TANC1: variants seen among roughly 807,000 people sequenced by gnomAD.
TANC1 encodes tetratricopeptide repeat, ankyrin repeat and coiled-coil containing 1, also known as protein TANC1.
In TANC1, 77 loss-of-function variants were observed where a neutral mutation model predicts 149.7. The observed-to-expected ratio is 0.51, with a 90% CI of 0.43 to 0.62. TANC1 has a LOEUF of 0.62. Ranked by LOEUF, TANC1 falls within the 20% of genes least tolerant of loss-of-function variation. The pLI is 0.00. For missense variants in TANC1, 1,985 were observed against 2,321.8 expected (o/e 0.85, Z 2.98); for synonymous variants, 854 against 925.0 (o/e 0.92, Z 1.39).
At chr2:159,148,467 T>C (rs1032844121) in intron 5 of TANC1, 2 of 152,260 alleles carry the variant, frequency 1.3e-5, no homozygotes, top group African/African-American at 4.8e-5. Context: ...TGCAGCATTC[T>C]GAGAATACAG....
intron 14 of TANC1, among the ~76,000 whole-genome samples, chr2:159,180,969 G>A (rs2056411091): frequency 6.6e-6 from 1 of 152,290 alleles, no homozygotes; most frequent in East Asian, 1.9e-4. Flanking sequence ...TTAAAACATG[G>A]TGATGGTGGG....
chr2:159,104,967 T>C (rs1420584059), intron 4 of TANC1, among the ~76,000 whole-genome samples: 3 of 127,794 alleles, frequency 2.3e-5, no homozygotes. Context: ...ACATTTCTGA[T>C]TGTTGGATAT....
Position 159,090,730 on chromosome 2 carries a change from T to C in TANC1, c.62-6907T>C, listed in dbSNP as rs141293139. On this transcript the variant is annotated intron_variant, in intron 3 of 26. Coordinates refer to ENST00000263635, the MANE Select transcript of TANC1 (RefSeq NM_033394.3). Reference sequence around the variant, plus strand: ...AGCTAGCTCGTGACTTCACCCTTCATTGGGCCAGGCAGAATGACCGGAGCC... The same window carrying C: ...AGCTAGCTCGTGACTTCACCCTTCACTGGGCCAGGCAGAATGACCGGAGCC... Among the ~76,000 whole-genome samples, 603 of 152,338 alleles carry C rather than the reference T, an allele frequency of 4.0e-3. 6 individuals are homozygous for C. The highest frequency in any genetic ancestry group is 0.012 in the African/African-American group (507 of 41,576).
At chr2:159,218,089 GT>G (rs58545953) in intron 20 of TANC1, among the ~76,000 whole-genome samples, 77,296 of 151,802 alleles carry the variant, frequency 0.51, 20,362 homozygotes, top group Non-Finnish European at 0.56. Flanking sequence ...GTTTTGTTTT[GT>G]TTTTTTACTA....
chr2:159,172,008 C>A, intron 10 of TANC1, 113 bp from the exon 11 acceptor site: 1 of 1,056,206 alleles, frequency 9.5e-7, no homozygotes, highest in Non-Finnish European at 1.4e-6. Context: ...AATTTTGGAC[C>A]ATGTTCACTC....
intron 23 of TANC1, 80 bp from the exon 24 acceptor site, chr2:159,225,608 C>T: frequency 8.7e-7 from 1 of 1,148,264 alleles, no homozygotes; most frequent in South Asian, 1.3e-5. Context: ...GTGCTGACCT[C>T]CAGCCGTGGG....
intron 2 of TANC1, among the ~76,000 whole-genome samples, chr2:159,060,650 G>A (rs2042170035): frequency 6.6e-6 from 1 of 152,160 alleles, no homozygotes; most frequent in African/African-American, 2.4e-5. Flanking sequence ...GGGTGGGTGC[G>A]AAGCCTGTGT....
chr2:159,149,150 G>A lies in TANC1; in HGVS notation c.373G>A (p.Ala125Thr), dbSNP rs2052487748. ...TTCTTTCTTTGTTCCAGAAGCAAAG[G>A]CCGATAATGAACCGAGCTGTTCGCC... ...PTEPDEHEAK[A>T]DNEPSCSPAA... is the part of the protein sequence containing the mutation. The change falls in exon 6 of 27, where the codon GCC (alanine) becomes ACC (threonine). Residue 125 changes from alanine (A) to threonine (T), a missense_variant. Physicochemically the swap from Ala to Thr is moderately conservative, Grantham distance 58. Transcript: ENST00000263635. 1 of 1,593,326 alleles carries A rather than the reference G, an allele frequency of 6.3e-7. No homozygotes were observed. Among genetic ancestry groups the A allele is most frequent in the Non-Finnish European group, 8.5e-7 (1 of 1,169,656 alleles).
At chr2:159,180,132 T>C (rs192993224) in intron 14 of TANC1, among the ~76,000 whole-genome samples, 1 of 152,350 alleles carries the variant, frequency 6.6e-6, no homozygotes, top group Non-Finnish European at 1.5e-5. Flanking sequence ...ATCCACCTGA[T>C]AGGCCTGGCT....
chr2:159,149,726 CATCT>C, intron 6 of TANC1: 1 of 195,402 alleles, frequency 5.1e-6, no homozygotes. Context: ...TCAAATGGTC[CATCT>C]ATCAGGAAAG....
At chr2:159,191,313 A>G (rs1326552745) in intron 16 of TANC1, among the ~76,000 whole-genome samples, 1 of 152,172 alleles carries the variant, frequency 6.6e-6, no homozygotes, top group Non-Finnish European at 1.5e-5. Context: ...TGTATCGTAG[A>G]ACCAGTGTCT....
intron 1 of TANC1, among the ~76,000 whole-genome samples, chr2:158,998,084 C>T (rs2036297314): frequency 1.3e-5 from 2 of 152,022 alleles, no homozygotes; most frequent in Non-Finnish European, 2.9e-5. Flanking sequence ...CGTAGCAAGA[C>T]CCCATGTCTA....
chr2:158,976,290 C>G (rs1319156020), intron 1 of TANC1, among the ~76,000 whole-genome samples: 1 of 152,152 alleles, frequency 6.6e-6, no homozygotes, highest in Non-Finnish European at 1.5e-5. Flanking sequence ...AGTCTTTTAT[C>G]AACTTACATT....
At chr2:159,084,329 T>C (rs1329569739) in intron 3 of TANC1, among the ~76,000 whole-genome samples, 2 of 152,064 alleles carry the variant, frequency 1.3e-5, no homozygotes, top group African/African-American at 4.8e-5. Context: ...GGAAAGACCT[T>C]GTTATATAGC....
In TANC1 at chr2:158,983,927, A is replaced by G. The variant is rs377233989; in HGVS notation, c.-126+15145A>G. 1.3e-3 allele frequency among the ~76,000 whole-genome samples: 204 copies of G among 152,346 alleles called. 1 individual carries two copies. The highest frequency in any genetic ancestry group is 4.7e-3 in the African/African-American group (195 of 41,572). On this transcript the variant is annotated intron_variant, in intron 1 of 26. Coordinates refer to ENST00000263635, the MANE Select transcript of TANC1 (RefSeq NM_033394.3). ...CAGTTTGGAGAATGCCTGGATATCT[A>G]TGGTCCTTGCATTCTTGCCATTTAT...
chr2:159,089,323 C>T (rs1007790011), intron 3 of TANC1, among the ~76,000 whole-genome samples: 1 of 152,136 alleles, frequency 6.6e-6, no homozygotes, highest in African/African-American at 2.4e-5. Flanking sequence ...AGATATTTTA[C>T]TAGGGTATTG....
chr2:159,134,290 T>C (rs1057497294), intron 4 of TANC1, among the ~76,000 whole-genome samples: 1 of 152,150 alleles, frequency 6.6e-6, no homozygotes, highest in Non-Finnish European at 1.5e-5. Context: ...TGGACCAAAA[T>C]GTAACAGAAT....
intron 4 of TANC1, among the ~76,000 whole-genome samples, chr2:159,099,492 T>C (rs1391542267): frequency 1.3e-5 from 2 of 151,642 alleles, no homozygotes; most frequent in East Asian, 1.9e-4. Flanking sequence ...AGTGGGTATA[T>C]TGACCAAAAA....
intron 2 of TANC1, among the ~76,000 whole-genome samples, chr2:159,045,202 T>TAA (rs2040945932): frequency 6.6e-6 from 1 of 152,192 alleles, no homozygotes; most frequent in East Asian, 1.9e-4. Flanking sequence ...CTCACTCCTG[T>TAA]AATCCTAGCA....
Sources: gnomAD v4.1 joint callset for allele counts (sites outside exome capture counted in the v4.1 genomes callset) on GRCh38, gnomAD v4.1.1 for gene constraint, MANE v1.5 for transcripts, NCBI Gene and HGNC (gene_info 2026-07-23, HGNC 2026-07-21) for gene names.